Variants in PLA1A observed in about 807,000 individuals in gnomAD.
The protein encoded by PLA1A is phosphatidylserine-specific phospholipase A1alpha.
PLA1A carries 47 observed loss-of-function variants against 49.4 expected under a neutral mutation model. The ratio of observed to expected loss-of-function variants is 0.95; its 90% confidence interval spans 0.75 to 1.21. PLA1A has a LOEUF of 1.21. Ranked by LOEUF, PLA1A falls within the 50% of genes most tolerant of loss-of-function variation. PLA1A has a pLI of 0.00. For synonymous variants in PLA1A, 224 were observed against 207.9 expected, an observed-to-expected ratio of 1.08 and a Z score of -0.67; for missense variants, 561 against 563.9, an observed-to-expected ratio of 0.99 and a Z score of 0.05.
intron 6 of PLA1A, among the ~76,000 whole-genome samples, chr3:119,616,913 G>A (rs1296088777): frequency 6.6e-6 from 1 of 152,182 alleles, no homozygotes; most frequent in Admixed American, 6.5e-5. Flanking sequence ...ACTTGAGAAG[G>A]GTTTAGTTTG....
intron 7 of PLA1A, among the ~76,000 whole-genome samples, chr3:119,618,658 T>C (rs892388713): frequency 6.6e-6 from 1 of 152,178 alleles, no homozygotes; most frequent in Non-Finnish European, 1.5e-5. Context: ...GGCACCTTCC[T>C]GGATGATCCA....
At position 119,608,949 on chromosome 3, in the gene PLA1A, TA is replaced by T. The variant is rs2082730300; in HGVS notation, c.453+3del. On this transcript the variant is annotated splice_donor_region_variant and intron_variant, in intron 3 of 10. Transcript: ENST00000273371. ...TCCCTTTTCCTCAATAAACTCCTGGTAGGTGCAGAAGAGCTTAGGGTGAGTT... is the reference window on the plus strand; with the variant it reads ...TCCCTTTTCCTCAATAAACTCCTGGTGGTGCAGAAGAGCTTAGGGTGAGTT... 6.2e-7 allele frequency: 1 copy of T among 1,612,994 alleles called. No homozygotes were observed. Among genetic ancestry groups the T allele is most frequent in the Non-Finnish European group, 8.5e-7 (1 of 1,179,164 alleles).
intron 4 of PLA1A, among the ~76,000 whole-genome samples, chr3:119,610,220 T>C (rs2082747124): frequency 1.3e-5 from 2 of 152,226 alleles, no homozygotes; most frequent in Admixed American, 1.3e-4. Context: ...TTATCCAGTC[T>C]ACCATTGGTT....
chr3:119,612,495 C>CTT (rs11420188), intron 4 of PLA1A, among the ~76,000 whole-genome samples: 20 of 148,484 alleles, frequency 1.3e-4, no homozygotes, highest in African/African-American at 2.7e-4. Context: ...TCAAGGTCAT[C>CTT]TTTTTTTTTT....
intron 1 of PLA1A, among the ~76,000 whole-genome samples, chr3:119,599,793 C>T (rs2082590494): frequency 2.0e-5 from 3 of 152,206 alleles, no homozygotes; most frequent in African/African-American, 7.2e-5. Flanking sequence ...TCTTTTCACA[C>T]TTACCCAGTG....
chr3:119,629,138 A>C (rs2052588811), intron 10 of PLA1A, among the ~76,000 whole-genome samples: 2 of 152,092 alleles, frequency 1.3e-5, no homozygotes. Context: ...TGTGGCCTCC[A>C]CTCCAACTGT....
In PLA1A at chr3:119,606,841, C is replaced by T. The variant is rs770568132; in HGVS notation, c.141C>T (p.Thr47=). The change falls in exon 2 of 11, where the codon ACC becomes ACT. Residue 47 remains threonine, a synonymous_variant. Transcript: ENST00000273371. ...DFQSANLFEG[T]DLKVQFLLFV... ...AGAGCGCCAACCTTTTTGAAGGCAC[C>T]GATCTCAAAGTCCAGTTTCTCCTCT... The T allele has an allele frequency of 9.3e-6, 15 of 1,613,996 alleles. No individual in the cohort carries two copies. Among genetic ancestry groups the T allele is most frequent in the South Asian group, 7.7e-5 (7 of 91,074 alleles).
At chr3:119,615,575 GCTGAGGCGGGTGGATCAC>G (rs1429881002) in intron 5 of PLA1A, among the ~76,000 whole-genome samples, 3 of 152,116 alleles carry the variant, frequency 2.0e-5, no homozygotes, top group Non-Finnish European at 4.4e-5. Flanking sequence ...AAACTGGGAG[GCTGAGGCGGGTGGATCAC>G]CTGAGGTCAA....
At chr3:119,611,306 T>C (rs2082762078) in intron 4 of PLA1A, among the ~76,000 whole-genome samples, 1 of 152,206 alleles carries the variant, frequency 6.6e-6, no homozygotes, top group Admixed American at 6.5e-5. Context: ...TTGGGTTCTT[T>C]TTTTGTGCCA....
intron 8 of PLA1A, 139 bp downstream of exon 8, chr3:119,619,791 C>G (rs2082904017): frequency 3.0e-6 from 2 of 674,414 alleles, no homozygotes; most frequent in Non-Finnish European, 5.4e-6. Context: ...CTGGTCTGAA[C>G]CAAAACTTTC....
At chr3:119,619,029 TGTCTGCCCA>T (rs2082892139) in intron 7 of PLA1A, among the ~76,000 whole-genome samples, 1 of 152,220 alleles carries the variant, frequency 6.6e-6, no homozygotes. Flanking sequence ...CACCTCACAC[TGTCTGCCCA>T]GCCTCATCTC....
intron 1 of PLA1A, among the ~76,000 whole-genome samples, chr3:119,603,013 G>A (rs2082638315): frequency 6.6e-6 from 1 of 152,186 alleles, no homozygotes; most frequent in African/African-American, 2.4e-5. Flanking sequence ...GAGAACTACT[G>A]GCTGCAATAG....
intron 8 of PLA1A, among the ~76,000 whole-genome samples, chr3:119,621,966 C>T (rs1185017960): frequency 6.6e-6 from 1 of 152,066 alleles, no homozygotes; most frequent in Non-Finnish European, 1.5e-5. Context: ...CGTCTCTAAT[C>T]CCAGCACTTC....
chr3:119,598,047 C>A, intron 1 of PLA1A, 61 bp downstream of exon 1: 1 of 1,075,322 alleles, frequency 9.3e-7, no homozygotes, highest in Non-Finnish European at 1.4e-6. Context: ...ATTTCTCCAA[C>A]TACTTATGCA....
intron 1 of PLA1A, among the ~76,000 whole-genome samples, chr3:119,599,130 C>T (rs955303437): frequency 6.6e-6 from 1 of 152,178 alleles, no homozygotes; most frequent in African/African-American, 2.4e-5. Flanking sequence ...CTAACCCAGA[C>T]TGGAATCCTG....
Position 119,619,550 on chromosome 3 carries a change from T to C in PLA1A, c.923-13T>C, listed in dbSNP as rs761282868. 1 of 1,603,274 alleles carries C rather than the reference T, an allele frequency of 6.2e-7. No individual in the cohort carries two copies. Among genetic ancestry groups the C allele is most frequent in the African/African-American group, 1.3e-5 (1 of 74,772 alleles). On this transcript the variant is annotated splice_polypyrimidine_tract_variant and intron_variant, in intron 7 of 10. Transcript: ENST00000273371. ...TTCTCAGGACTCTGCTGTCTTTGCT[T>C]CTTTATTTCCAGGACTGGTGGAACA...
rs545015602 is a variant in PLA1A at position 119,603,041 on chromosome 3, A to G, written c.74-3733A>G. On this transcript the variant is annotated intron_variant, in intron 1 of 10. Transcript: ENST00000273371. ...TGCAATAGTGAGTGATTGTAGCATAAGGCAAAGGACTCTTGGAGTGGGGTG... is the reference window on the plus strand; with the variant it reads ...TGCAATAGTGAGTGATTGTAGCATAGGGCAAAGGACTCTTGGAGTGGGGTG... Among the ~76,000 whole-genome samples, 11 of 152,318 alleles carry G rather than the reference A, an allele frequency of 7.2e-5. No individual in the cohort carries two copies. In the East Asian group the frequency reaches 2.1e-3, roughly 29 times the overall value.
chr3:119,623,151 A>AT (rs1258914289), intron 8 of PLA1A, among the ~76,000 whole-genome samples: 3 of 149,328 alleles, frequency 2.0e-5, no homozygotes, highest in Admixed American at 6.7e-5. Context: ...TTTAATTTTG[A>AT]TTTTTTTTGA....
intron 8 of PLA1A, among the ~76,000 whole-genome samples, chr3:119,624,167 C>T (rs1329276564): frequency 6.6e-6 from 1 of 152,210 alleles, no homozygotes; most frequent in African/African-American, 2.4e-5. Context: ...GGCGCCGGCA[C>T]TCCATGTCTA....
Sources: gnomAD v4.1 joint callset for allele counts (sites outside exome capture counted in the v4.1 genomes callset) on GRCh38, gnomAD v4.1.1 for gene constraint, MANE v1.5 for transcripts, NCBI Gene and HGNC (gene_info 2026-07-23, HGNC 2026-07-21) for gene names.